Variants in MARK3 observed in about 807,000 individuals in gnomAD.
The protein encoded by MARK3 is microtubule affinity regulating kinase 3.
A neutral mutation model predicts 90.1 loss-of-function variants in MARK3; 46 were observed. The observed-to-expected ratio is 0.51, with a 90% CI of 0.40 to 0.65. The LOEUF (loss-of-function observed/expected upper bound fraction) is 0.65, where lower values mean the gene tolerates loss of function less well. Among genes scored for constraint, MARK3 ranks in the 30% least tolerant of loss-of-function variants. MARK3 has a pLI of 0.00. For synonymous variants in MARK3, 321 were observed against 332.6 expected (o/e 0.97, Z 0.38); for missense variants, 818 against 947.2 (o/e 0.86, Z 1.79).
intron 2 of MARK3, among the ~76,000 whole-genome samples, chr14:103,421,323 A>G (rs1481850623): frequency 3.9e-5 from 6 of 152,236 alleles, no homozygotes; most frequent in Non-Finnish European, 8.8e-5. Context: ...ATGATTTCGT[A>G]TTCACTAATT....
chr14:103,389,395 G>C (rs2090054989), intron 1 of MARK3, among the ~76,000 whole-genome samples: 2 of 150,960 alleles, frequency 1.3e-5, no homozygotes, highest in African/African-American at 4.9e-5. Flanking sequence ...AGGTGCGGTG[G>C]TGCATGCCTG....
intron 14 of MARK3, among the ~76,000 whole-genome samples, chr14:103,486,531 G>T (rs1190605455): frequency 6.6e-6 from 1 of 152,152 alleles, no homozygotes; most frequent in Non-Finnish European, 1.5e-5. Flanking sequence ...AAAATGTAAT[G>T]CTGCTACTGT....
At chr14:103,442,012 A>ACT (rs2092868704) in intron 3 of MARK3, among the ~76,000 whole-genome samples, 1 of 152,090 alleles carries the variant, frequency 6.6e-6, no homozygotes, top group South Asian at 2.1e-4. Flanking sequence ...TTATCACTTA[A>ACT]CTCTCTTAGG....
intron 12 of MARK3, among the ~76,000 whole-genome samples, chr14:103,474,145 C>T (rs921853471): frequency 8.6e-5 from 13 of 151,990 alleles, no homozygotes; most frequent in Non-Finnish European, 7.4e-5. Flanking sequence ...GCAGTGGTTA[C>T]AGTGAGCCGC....
chr14:103,422,765 CTACTT>C (rs992151858), intron 2 of MARK3, among the ~76,000 whole-genome samples: 3 of 152,308 alleles, frequency 2.0e-5, no homozygotes, highest in Non-Finnish European at 4.4e-5. Context: ...TTCTTTTACT[CTACTT>C]CATGCTTGTG....
At chr14:103,498,361 T>A in intron 15 of MARK3, 141 bp from the exon 16 acceptor site, 1 of 496,746 alleles carries the variant, frequency 2.0e-6, no homozygotes, top group Non-Finnish European at 3.3e-6. Context: ...TCAACAAATG[T>A]CAGCATTTCT....
At chr14:103,490,015 A>G (rs2093990266) in intron 14 of MARK3, 1 of 152,270 alleles carries the variant, frequency 6.6e-6, no homozygotes, top group Non-Finnish European at 1.5e-5. Flanking sequence ...TCTAGACTAT[A>G]TTGTTAAAAC....
chr14:103,480,603 T>C, intron 14 of MARK3, 113 bp downstream of exon 14: 1 of 637,720 alleles, frequency 1.6e-6, no homozygotes, highest in Non-Finnish European at 2.7e-6. Context: ...GTAAGTATTC[T>C]CTGAAGGTAA....
chr14:103,483,162 T>G (rs953459145), intron 14 of MARK3, among the ~76,000 whole-genome samples: 2 of 152,232 alleles, frequency 1.3e-5, no homozygotes, highest in African/African-American at 4.8e-5. Flanking sequence ...TTCGGCAAAT[T>G]GTTCCTTTTC....
At chr14:103,496,538 C>T (rs369478720) in intron 15 of MARK3, among the ~76,000 whole-genome samples, 1 of 151,956 alleles carries the variant, frequency 6.6e-6, no homozygotes, top group East Asian at 1.9e-4. Flanking sequence ...TCAGCCTCCC[C>T]AGTAGCTGGG....
chr14:103,497,370 G>T (rs1430520778), intron 15 of MARK3, among the ~76,000 whole-genome samples: 1 of 152,208 alleles, frequency 6.6e-6, no homozygotes, highest in East Asian at 1.9e-4. Flanking sequence ...GCTATGTACA[G>T]TTACAGAACT....
At chr14:103,428,315 A>G (rs2092475153) in intron 2 of MARK3, 72 bp from the exon 3 acceptor site, 5 of 777,388 alleles carry the variant, frequency 6.4e-6, no homozygotes, top group Admixed American at 3.3e-5. Context: ...TCTTAATGCC[A>G]TATATCTTGG....
intron 14 of MARK3, among the ~76,000 whole-genome samples, chr14:103,481,757 CTTTTTTTTTTTTT>C (rs71126030): frequency 1.0e-4 from 5 of 49,802 alleles, no homozygotes; most frequent in Non-Finnish European, 1.3e-4. Flanking sequence ...ATAGGTATTT[CTTTTTTTTTTTTT>C]TTTTTTTTTT....
chr14:103,435,289 T>TG (rs1410762800), intron 3 of MARK3, among the ~76,000 whole-genome samples: 1 of 152,248 alleles, frequency 6.6e-6, no homozygotes, highest in Non-Finnish European at 1.5e-5. Flanking sequence ...GGTCCTATCT[T>TG]GGCGGGTCTA....
At chr14:103,472,438 T>A (rs556880886) in intron 12 of MARK3, among the ~76,000 whole-genome samples, 45 of 151,566 alleles carry the variant, frequency 3.0e-4, no homozygotes, top group Non-Finnish European at 5.6e-4. Flanking sequence ...GGTCAGGAGA[T>A]CGAGAACATC....
chr14:103,391,851 C>T (rs986210977), intron 1 of MARK3, among the ~76,000 whole-genome samples: 9 of 151,614 alleles, frequency 5.9e-5, no homozygotes, highest in Admixed American at 5.9e-4. Context: ...AGCCACTGTA[C>T]CTGGTCAAAA....
chr14:103,428,304 T>C lies in MARK3; in HGVS notation c.244-83T>C, dbSNP rs533322261. On this transcript the variant is annotated intron_variant, in intron 2 of 17. Transcript: ENST00000429436. ...GTTTGTTGCTTGCTTGCTTGCTTGC[T>C]TCTTAATGCCATATATCTTGGCATT... 7.4e-6 allele frequency: 5 copies of C among 678,824 alleles called. No individual in the cohort carries two copies. The East Asian group carries it at 1.6e-4, about 22-fold the overall frequency. The allele number at this position is 678,824 out of a possible 1,614,324, so 42.1% of individuals were successfully genotyped here.
intron 14 of MARK3, among the ~76,000 whole-genome samples, chr14:103,487,508 G>A (rs2093950785): frequency 6.6e-6 from 1 of 151,916 alleles, no homozygotes; most frequent in Admixed American, 6.6e-5. Context: ...GCACCCTCCT[G>A]CCTGCAAGCT....
rs2093501603 is a variant in MARK3, at chr14:103,466,330, T to G, written c.898-13T>G. The G allele has an allele frequency of 6.3e-7, 1 of 1,577,834 alleles. No homozygotes were observed. Among genetic ancestry groups the G allele is most frequent in the South Asian group, 1.1e-5 (1 of 89,604 alleles). On this transcript the variant is annotated splice_polypyrimidine_tract_variant and intron_variant, in intron 9 of 17. Coordinates refer to ENST00000429436, the MANE Select transcript of MARK3 (RefSeq NM_001128918.3). ...TCATTTTACTCTGCTAATGAACAGT[T>G]TACCTTTTTTAGCAAATCATGAAGG... is the stretch of plus-strand genomic sequence containing the variant.
Sources: allele counts gnomAD v4.1 joint callset (sites outside exome capture counted in the v4.1 genomes callset), GRCh38; gene constraint gnomAD v4.1.1; transcripts MANE v1.5; gene names NCBI Gene and HGNC (gene_info 2026-07-23, HGNC 2026-07-21).